TOX: variants seen among roughly 807,000 people sequenced by gnomAD.
TOX encodes thymocyte selection associated high mobility group box, also known as thymocyte selection-associated high mobility group box protein TOX.
Under a neutral mutation model 53.7 loss-of-function variants are expected in TOX, and 11 were observed. That is an observed-to-expected ratio of 0.20 (90% CI 0.13 to 0.34). The LOEUF (loss-of-function observed/expected upper bound fraction) is 0.34, where lower values mean the gene tolerates loss of function less well. Among genes scored for constraint, TOX ranks in the 10% least tolerant of loss-of-function variants. TOX has a pLI of 1.00. For missense variants in TOX, 570 were observed against 664.6 expected (o/e 0.86, Z 1.56); for synonymous variants, 225 against 245.3 (o/e 0.92, Z 0.77).
intron 1 of TOX, among the ~76,000 whole-genome samples, chr8:59,042,918 C>A (rs373534942): frequency 1.2e-3 from 180 of 144,582 alleles, no homozygotes; most frequent in African/African-American, 3.7e-3. Context: ...ACATATTAGT[C>A]ACCTCACATA....
At chr8:58,935,041 A>G (rs1212834324) in intron 3 of TOX, among the ~76,000 whole-genome samples, 1 of 152,234 alleles carries the variant, frequency 6.6e-6, no homozygotes, top group Admixed American at 6.5e-5. Context: ...GTTGATGTCT[A>G]ATATATTAGG....
intron 1 of TOX, among the ~76,000 whole-genome samples, chr8:59,009,968 G>C (rs529306158): frequency 1.3e-5 from 2 of 152,320 alleles, no homozygotes; most frequent in African/African-American, 4.8e-5. Flanking sequence ...AATAAACATG[G>C]AAGGAGAATA....
intron 4 of TOX, among the ~76,000 whole-genome samples, chr8:58,842,242 A>C (rs917785468): frequency 6.6e-6 from 1 of 152,162 alleles, no homozygotes; most frequent in Non-Finnish European, 1.5e-5. Flanking sequence ...GTGAGTCAGC[A>C]GACTGCGTGG....
chr8:58,993,119 C>T (rs1348834467), intron 1 of TOX, among the ~76,000 whole-genome samples: 2 of 151,910 alleles, frequency 1.3e-5, no homozygotes, highest in Non-Finnish European at 2.9e-5. Flanking sequence ...CAGATTGGAA[C>T]CTGAACTGGG....
intron 1 of TOX, among the ~76,000 whole-genome samples, chr8:59,086,895 G>A (rs530496610): frequency 6.6e-6 from 1 of 152,258 alleles, no homozygotes; most frequent in South Asian, 2.1e-4. Context: ...ATATTAATAT[G>A]ATGCAGTAAA....
chr8:58,983,661 A>G (rs115880340), intron 1 of TOX, among the ~76,000 whole-genome samples: 2,542 of 152,320 alleles, frequency 0.017, 57 homozygotes, highest in African/African-American at 0.058. Flanking sequence ...TGTCAAATCA[A>G]TTTTGGTGAC....
At chr8:58,841,562 G>A (rs1810642383) in intron 4 of TOX, among the ~76,000 whole-genome samples, 1 of 152,172 alleles carries the variant, frequency 6.6e-6, no homozygotes, top group South Asian at 2.1e-4. Context: ...TCAGTTATAA[G>A]ATGAATAAGT....
chr8:59,039,586 T>A (rs951993676), intron 1 of TOX, among the ~76,000 whole-genome samples: 3 of 152,190 alleles, frequency 2.0e-5, no homozygotes, highest in African/African-American at 7.2e-5. Flanking sequence ...TCATCTCTTA[T>A]TCCCTCTCAT....
At chr8:58,836,595 G>A (rs182968832) in intron 5 of TOX, among the ~76,000 whole-genome samples, 38 of 152,254 alleles carry the variant, frequency 2.5e-4, no homozygotes, top group South Asian at 2.1e-4. Flanking sequence ...TGAAAAGGAC[G>A]TAGGGAAATA....
chr8:59,019,168 T>C (rs970056915), intron 1 of TOX, among the ~76,000 whole-genome samples: 1 of 152,206 alleles, frequency 6.6e-6, no homozygotes, highest in Non-Finnish European at 1.5e-5. Flanking sequence ...CTTTCTTTAG[T>C]GTACAAAATT....
chr8:58,959,607 A>G (rs1812768016), intron 2 of TOX, among the ~76,000 whole-genome samples: 1 of 152,240 alleles, frequency 6.6e-6, no homozygotes, highest in South Asian at 2.1e-4. Context: ...GTAGCTTATA[A>G]TGATTAAATC....
chr8:58,838,921 C>T (rs1207997061), intron 4 of TOX, among the ~76,000 whole-genome samples: 1 of 151,930 alleles, frequency 6.6e-6, no homozygotes, highest in Admixed American at 6.6e-5. Flanking sequence ...AGGATGGTCT[C>T]GATCTCCAGA....
intron 1 of TOX, among the ~76,000 whole-genome samples, chr8:58,991,370 C>T (rs1464208516): frequency 6.6e-6 from 1 of 152,112 alleles, no homozygotes; most frequent in African/African-American, 2.4e-5. Context: ...TCTGATTTTC[C>T]AAAGTGACAG....
At chr8:59,080,531 G>A (rs140780337) in intron 1 of TOX, among the ~76,000 whole-genome samples, 116 of 152,204 alleles carry the variant, frequency 7.6e-4, no homozygotes, top group Non-Finnish European at 1.4e-3. Context: ...ATGAGATTTG[G>A]GAAAGTCCTA....
chr8:58,991,583 T>C (rs1356229384), intron 1 of TOX: 2 of 152,204 alleles, frequency 1.3e-5, no homozygotes, highest in African/African-American at 4.8e-5. Flanking sequence ...TCTTCTCCAA[T>C]AGCCTTTTTA....
intron 3 of TOX, among the ~76,000 whole-genome samples, chr8:58,863,482 C>T (rs1811044387): frequency 6.6e-6 from 1 of 152,100 alleles, no homozygotes; most frequent in Non-Finnish European, 1.5e-5. Context: ...ACGAGGGACC[C>T]AAAGGAACAG....
chr8:58,869,310 C>A (rs868411146), intron 3 of TOX, among the ~76,000 whole-genome samples: 2 of 149,766 alleles, frequency 1.3e-5, no homozygotes, highest in Non-Finnish European at 3.0e-5. Flanking sequence ...TGAAGTGGAA[C>A]AATTCCTTAA....
At chr8:59,104,214 C>T (rs1443036881) in intron 1 of TOX, among the ~76,000 whole-genome samples, 1 of 152,186 alleles carries the variant, frequency 6.6e-6, no homozygotes, top group Non-Finnish European at 1.5e-5. Context: ...CACATTATCT[C>T]TACATTGGCA....
chr8:58,998,173 A>G (rs892083189), intron 1 of TOX, among the ~76,000 whole-genome samples: 1 of 152,056 alleles, frequency 6.6e-6, no homozygotes, highest in Non-Finnish European at 1.5e-5. Context: ...AATATGAGAA[A>G]GAAGATTAGC....
Sources: gnomAD v4.1 joint callset for allele counts (sites outside exome capture counted in the v4.1 genomes callset) on GRCh38, gnomAD v4.1.1 for gene constraint, MANE v1.5 for transcripts, NCBI Gene and HGNC (gene_info 2026-07-23, HGNC 2026-07-21) for gene names.